Variants in ESR1 observed in about 807,000 individuals in gnomAD.
ESR1 encodes estrogen receptor.
Under a neutral mutation model 52.7 loss-of-function variants are expected in ESR1, and 12 were observed. That is an observed-to-expected ratio of 0.23 (90% confidence interval 0.15 to 0.37). The LOEUF is 0.37. Ranked by LOEUF, ESR1 falls within the 10% of genes least tolerant of loss-of-function variation. The pLI is 1.00. For missense variants in ESR1, 584 were observed against 779.7 expected, an observed-to-expected ratio of 0.75 and a Z score of 2.99; for synonymous variants, 305 against 316.8, an observed-to-expected ratio of 0.96 and a Z score of 0.39.
intron 3 of ESR1, among the ~76,000 whole-genome samples, chr6:151,939,884 C>A (rs1256741574): frequency 1.3e-5 from 2 of 151,990 alleles, no homozygotes; most frequent in East Asian, 1.9e-4. Context: ...AAAACAAAAT[C>A]TCTGTTTTTT....
At chr6:151,915,975 G>T (rs1391212228) in intron 3 of ESR1, among the ~76,000 whole-genome samples, 1 of 152,158 alleles carries the variant, frequency 6.6e-6, no homozygotes, top group Non-Finnish European at 1.5e-5. Flanking sequence ...AAACAAGCTT[G>T]TTTGAGATAT....
Position 152,053,402 on chromosome 6 carries a change from C to A in ESR1, c.1236-7589C>A, listed in dbSNP as rs1016952594. Reference sequence around the variant, plus strand: ...GCCTCCCTCTGCCAGTTTCTTGCCCCTTCCTCCTTCTGTCTCTCCCTCTCT... The same window carrying A: ...GCCTCCCTCTGCCAGTTTCTTGCCCATTCCTCCTTCTGTCTCTCCCTCTCT... On this transcript the variant is annotated intron_variant, in intron 5 of 7. Transcript: ENST00000206249. The surrounding 1 kb of genome is among the most constrained non-coding windows in gnomAD (Gnocchi z 4.1). Among the ~76,000 whole-genome samples the A allele has an allele frequency of 1.3e-5, 2 of 152,028 alleles. No homozygotes were observed. The highest frequency in any genetic ancestry group is 2.1e-4 in the South Asian group (1 of 4,818).
At chr6:152,024,943 C>G (rs1477406427) in intron 5 of ESR1, among the ~76,000 whole-genome samples, 1 of 151,020 alleles carries the variant, frequency 6.6e-6, no homozygotes. Context: ...ATTGTTATAC[C>G]TTTTCCTTTC....
intron 4 of ESR1, among the ~76,000 whole-genome samples, chr6:151,986,169 G>A (rs142441990): frequency 8.5e-5 from 13 of 152,154 alleles, no homozygotes; most frequent in South Asian, 4.1e-4. Context: ...TCTTCATAAC[G>A]GGGCCAGGAC....
chr6:151,964,778 G>A (rs2982697), intron 4 of ESR1, among the ~76,000 whole-genome samples: 122,410 of 151,466 alleles, frequency 0.81, 49,813 homozygotes, highest in Middle Eastern at 0.9. Flanking sequence ...TGTAGCTGGG[G>A]CTACAGGTGC....
At chr6:151,761,191 A>G (rs1784633281) in intron 2 of ESR1, among the ~76,000 whole-genome samples, 1 of 152,014 alleles carries the variant, frequency 6.6e-6, no homozygotes, top group African/African-American at 2.4e-5. Context: ...AAACTAGAAC[A>G]GCAATACCTT....
intron 1 of ESR1, among the ~76,000 whole-genome samples, chr6:151,669,147 G>GGAGAGAGAGAGAGAGAGAGGGAGAGGA (rs1777934531): frequency 2.9e-5 from 2 of 69,272 alleles, no homozygotes; most frequent in African/African-American, 1.7e-4. Flanking sequence ...TTGGGAGCTG[G>GGAGAGAGAGAGAGAGAGAGGGAGAGGA]GAGAGAGAGA....
intron 1 of ESR1, among the ~76,000 whole-genome samples, chr6:151,700,249 A>G (rs1413409356): frequency 6.6e-6 from 1 of 152,210 alleles, no homozygotes; most frequent in African/African-American, 2.4e-5. Context: ...AATCTGACTT[A>G]CATGGAGAAA....
chr6:151,896,647 T>G (rs536845146), intron 3 of ESR1, among the ~76,000 whole-genome samples: 1 of 152,266 alleles, frequency 6.6e-6, no homozygotes, highest in East Asian at 1.9e-4. Context: ...TTCTTTTTGT[T>G]TCATTTATCT....
intron 3 of ESR1, among the ~76,000 whole-genome samples, chr6:151,923,070 A>C (rs1263691885): frequency 6.6e-6 from 1 of 152,172 alleles, no homozygotes; most frequent in Non-Finnish European, 1.5e-5. Context: ...CAGAATTGTT[A>C]ATCTGTACTC....
chr6:151,896,174 G>A (rs1357447766), intron 3 of ESR1, among the ~76,000 whole-genome samples: 1 of 152,142 alleles, frequency 6.6e-6, no homozygotes, highest in East Asian at 1.9e-4. Flanking sequence ...CTTGGTTTTG[G>A]TACAAGGGTG....
Position 151,880,641 on chromosome 6 carries a change from C to G in ESR1, c.644-14C>G, listed in dbSNP as rs2128333417. The G allele has an allele frequency of 7.0e-7, 1 of 1,438,018 alleles. No homozygotes were observed. Among genetic ancestry groups the G allele is most frequent in the Non-Finnish European group, 9.8e-7 (1 of 1,018,938 alleles). The allele number at this position is 1,438,018 out of a possible 1,614,324, so 89.1% of individuals were successfully genotyped here. On this transcript the variant is annotated splice_polypyrimidine_tract_variant and intron_variant, in intron 2 of 7. Transcript: ENST00000206249. ...CCTGAAATAATATTAATTCTGTCCT[C>G]TTGCTTTTAATAGGACATAACGACT...
At chr6:151,730,773 TC>T (rs1782180783) in intron 2 of ESR1, among the ~76,000 whole-genome samples, 1 of 152,170 alleles carries the variant, frequency 6.6e-6, no homozygotes, top group Non-Finnish European at 1.5e-5. Context: ...ATAAAGAGTA[TC>T]CCTGAAGACA....
intron 2 of ESR1, among the ~76,000 whole-genome samples, chr6:151,716,812 C>A (rs1781076463): frequency 6.6e-6 from 1 of 152,180 alleles, no homozygotes; most frequent in Non-Finnish European, 1.5e-5. Context: ...GGCTCCCTGG[C>A]TTCAGCCCCC....
intron 1 of ESR1, among the ~76,000 whole-genome samples, chr6:151,836,484 A>T (rs533423375): frequency 1.3e-5 from 2 of 152,326 alleles, no homozygotes; most frequent in Admixed American, 6.5e-5. Context: ...ACCATGATTT[A>T]ATTACCTCCC....
chr6:151,742,083 C>T (rs928336101), intron 2 of ESR1, among the ~76,000 whole-genome samples: 2 of 152,170 alleles, frequency 1.3e-5, no homozygotes, highest in Non-Finnish European at 1.5e-5. Flanking sequence ...CCACCAGGCT[C>T]ATCCATGTTG....
intron 7 of ESR1, among the ~76,000 whole-genome samples, chr6:152,097,810 A>G (rs965997236): frequency 5.9e-5 from 9 of 152,170 alleles, no homozygotes; most frequent in African/African-American, 2.2e-4. Context: ...AGCAGGGGAC[A>G]GGATAAAGCC....
intron 1 of ESR1, among the ~76,000 whole-genome samples, chr6:151,701,309 G>A (rs147938177): frequency 0.023 from 3,448 of 151,280 alleles, 39 homozygotes; most frequent in East Asian, 0.033. Flanking sequence ...GTGGATCACC[G>A]GAGGTCAGGA....
intron 5 of ESR1, among the ~76,000 whole-genome samples, chr6:152,055,216 T>C (rs2047002710): frequency 6.6e-6 from 1 of 152,212 alleles, no homozygotes; most frequent in Non-Finnish European, 1.5e-5. Context: ...GTGGGATTAT[T>C]GGATCAAATG....
Sources: allele counts gnomAD v4.1 joint callset (sites outside exome capture counted in the v4.1 genomes callset), GRCh38; gene constraint gnomAD v4.1.1; non-coding constraint Gnocchi (gnomAD v3.1); transcripts MANE v1.5; gene names NCBI Gene and HGNC (gene_info 2026-07-23, HGNC 2026-07-21).